Variants in PRUNE2 observed in about 807,000 individuals in gnomAD.
The protein encoded by PRUNE2 is prune homolog 2 with BCH domain.
PRUNE2 carries 164 observed loss-of-function variants against 252.0 expected under a neutral mutation model. The ratio of observed to expected loss-of-function variants is 0.65; its 90% CI spans 0.57 to 0.74. The LOEUF is 0.74. PRUNE2 is among the 30% of genes least tolerant of loss of function. The pLI is 0.00. For missense variants in PRUNE2, 3,495 were observed against 3,711.0 expected (o/e 0.94, Z 1.51); for synonymous variants, 1,292 against 1,350.2 (o/e 0.96, Z 0.94).
At chr9:76,897,301 T>C (rs1337444720) in intron 1 of PRUNE2, among the ~76,000 whole-genome samples, 1 of 150,720 alleles carries the variant, frequency 6.6e-6, no homozygotes, top group Non-Finnish European at 1.5e-5. Flanking sequence ...GCTTATGGTA[T>C]GAGGAAGAAG....
intron 10 of PRUNE2, 70 bp downstream of exon 10, chr9:76,655,353 C>A (rs1221481440): frequency 2.8e-6 from 3 of 1,089,640 alleles, no homozygotes; most frequent in Non-Finnish European, 4.1e-6. Context: ...GGAAATAATT[C>A]TTTCACTGAA....
rs2046429288 is a variant in PRUNE2, at chr9:76,707,985, T to C, written c.4289A>G (p.His1430Arg). Residue 1430 changes from histidine (H) to arginine (R), a missense_variant, in exon 8 of 19, where the codon CAT becomes CGT. His to Arg is a conservative substitution (Grantham distance 29, BLOSUM62 0). Coordinates refer to ENST00000376718, the MANE Select transcript of PRUNE2 (RefSeq NM_015225.3). ...SADNLQPKDTHEKHLMSQRNS... is the reference protein window; with the variant it reads ...SADNLQPKDTREKHLMSQRNS... ...TCTTTGACTCATGAGGTGTTTTTCA[T>C]GGGTATCTTTTGGCTGCAGGTTATC... 1 of 1,614,010 alleles carries C rather than the reference T, an allele frequency of 6.2e-7. No individual in the cohort carries two copies.
intron 18 of PRUNE2, among the ~76,000 whole-genome samples, chr9:76,615,990 G>A (rs1172296629): frequency 1.3e-5 from 2 of 151,910 alleles, no homozygotes; most frequent in Admixed American, 6.6e-5. Context: ...GGATGATCTC[G>A]ATCTCTTGAC....
intron 1 of PRUNE2, among the ~76,000 whole-genome samples, chr9:76,898,774 T>C (rs998060219): frequency 6.6e-6 from 1 of 152,066 alleles, no homozygotes; most frequent in Non-Finnish European, 1.5e-5. Context: ...AAGCAAGAAA[T>C]ATCAAATGCA....
chr9:76,850,055 T>C (rs190225795), intron 3 of PRUNE2, among the ~76,000 whole-genome samples: 1 of 152,106 alleles, frequency 6.6e-6, no homozygotes, highest in African/African-American at 2.4e-5. Flanking sequence ...TGGGGTTTGT[T>C]TGTTGTTTTT....
chr9:76,614,550 T>G lies in PRUNE2; in HGVS notation c.*20A>C, dbSNP rs887258902. The stretch of plus-strand genomic sequence containing the variant: ...AGAACCATGAACCAGAAAAGCATCC[T>G]CTTCTTCCAGCATGGCCAACTAAGG... On this transcript the variant is annotated 3_prime_UTR_variant, in exon 19 of 19. Transcript: ENST00000376718. 8 of 1,605,426 alleles carry G rather than the reference T, an allele frequency of 5.0e-6. No individual in the cohort carries two copies. The highest frequency in any genetic ancestry group is 1.1e-5 in the South Asian group (1 of 90,834).
At position 76,611,735 on chromosome 9, in the gene PRUNE2, A is replaced by G. The variant is rs1827506726; in HGVS notation, c.*2835T>C. The G allele has an allele frequency of 6.6e-6, 1 of 152,620 alleles. No homozygotes were observed. Among genetic ancestry groups the G allele is most frequent in the Non-Finnish European group, 1.5e-5 (1 of 68,034 alleles). 9.5% of individuals were successfully genotyped at this position (152,620 alleles called of 1,614,324 possible). A position where few individuals can be genotyped will look rare whatever the true frequency, so the allele number is the denominator to read the frequency against. Reference sequence around the variant, plus strand: ...GTCTTAGAGAGTAACCCCATAGAACATTGTATGGCTTCAACAGAAACTTCA... The same window carrying G: ...GTCTTAGAGAGTAACCCCATAGAACGTTGTATGGCTTCAACAGAAACTTCA... On this transcript the variant is annotated 3_prime_UTR_variant, in exon 19 of 19. Coordinates refer to ENST00000376718, the MANE Select transcript of PRUNE2 (RefSeq NM_015225.3).
intron 15 of PRUNE2, among the ~76,000 whole-genome samples, chr9:76,629,518 A>G (rs925383886): frequency 6.6e-6 from 1 of 151,856 alleles, no homozygotes; most frequent in African/African-American, 2.4e-5. Flanking sequence ...GCCATGTAAA[A>G]AAGTATAACA....
chr9:76,671,998 C>T lies in PRUNE2; in HGVS notation c.8277-16496G>A, dbSNP rs537914670. On this transcript the variant is annotated intron_variant, in intron 9 of 18. Coordinates refer to ENST00000376718, the MANE Select transcript of PRUNE2 (RefSeq NM_015225.3). ...ACTAGGAAGAAACTGCATCAACTAA[C>T]GAGCAAAATAACCAGCTAACATCAT... Among the ~76,000 whole-genome samples the T allele has an allele frequency of 5.0e-4, 76 of 151,024 alleles. No individual in the cohort carries two copies. In the South Asian group the frequency reaches 9.6e-3, roughly 19 times the overall value.
chr9:76,845,243 G>A (rs2132438719), intron 4 of PRUNE2, among the ~76,000 whole-genome samples: 1 of 152,162 alleles, frequency 6.6e-6, no homozygotes, highest in South Asian at 2.1e-4. Flanking sequence ...TTATGATAAT[G>A]AGCTGCTTAC....
chr9:76,682,383 T>C (rs1277278021), intron 9 of PRUNE2, among the ~76,000 whole-genome samples: 1 of 149,500 alleles, frequency 6.7e-6, no homozygotes, highest in Non-Finnish European at 1.5e-5. Flanking sequence ...TTTTTTGAGT[T>C]GGAGTTTCAC....
chr9:76,739,283 C>G (rs2049357780), intron 6 of PRUNE2: 2 of 152,160 alleles, frequency 1.3e-5, no homozygotes, highest in Non-Finnish European at 1.5e-5. Context: ...CCAGCTGTAG[C>G]CCATGCAGCT....
intron 1 of PRUNE2, among the ~76,000 whole-genome samples, chr9:76,896,201 A>C (rs7044123): frequency 0.18 from 27,443 of 152,144 alleles, 2,936 homozygotes; most frequent in African/African-American, 0.29. Context: ...CTGAGAAAAC[A>C]AGGTTGGTGA....
At chr9:76,646,606 C>T (rs7852547) in intron 11 of PRUNE2, among the ~76,000 whole-genome samples, 11 of 151,838 alleles carry the variant, frequency 7.2e-5, no homozygotes, top group Admixed American at 2.0e-4. Flanking sequence ...CTGCTTCTTC[C>T]TTCCTACATG....
At chr9:76,732,821 G>T (rs73650990) in intron 6 of PRUNE2, among the ~76,000 whole-genome samples, 7,995 of 152,192 alleles carry the variant, frequency 0.053, 660 homozygotes, top group African/African-American at 0.18. Flanking sequence ...ATGATTAGAA[G>T]ATTTCATGTC....
intron 6 of PRUNE2, among the ~76,000 whole-genome samples, chr9:76,755,274 G>A (rs2051032219): frequency 6.6e-6 from 1 of 152,092 alleles, no homozygotes; most frequent in Non-Finnish European, 1.5e-5. Context: ...GATACCTAAA[G>A]CACTGGCTCA....
chr9:76,760,268 C>T (rs2051573921), intron 6 of PRUNE2, among the ~76,000 whole-genome samples: 1 of 152,138 alleles, frequency 6.6e-6, no homozygotes, highest in African/African-American at 2.4e-5. Flanking sequence ...CAAAACCATA[C>T]TCACATTTTC....
intron 9 of PRUNE2, among the ~76,000 whole-genome samples, chr9:76,702,619 G>GAATGAATTAATT (rs1554707080): frequency 1.3e-5 from 2 of 152,134 alleles, no homozygotes; most frequent in African/African-American, 4.8e-5. Context: ...GTGAATGAAT[G>GAATGAATTAATT]AATGAATGAA....
In PRUNE2 at chr9:76,611,643, C is replaced by G. The variant is rs1473355523; in HGVS notation, c.*2927G>C. Reference sequence around the variant, plus strand: ...GAGAGTTGCAAACATAGTACCATAACTGAATATTTAAAATTACATCTTAAC... The same window carrying G: ...GAGAGTTGCAAACATAGTACCATAAGTGAATATTTAAAATTACATCTTAAC... On this transcript the variant is annotated 3_prime_UTR_variant, in exon 19 of 19. Coordinates refer to ENST00000376718, the MANE Select transcript of PRUNE2 (RefSeq NM_015225.3). The G allele has an allele frequency of 6.6e-6, 1 of 152,602 alleles. No individual in the cohort carries two copies. Among genetic ancestry groups the G allele is most frequent in the Non-Finnish European group, 1.5e-5 (1 of 68,040 alleles). 9.5% of individuals were successfully genotyped at this position (152,602 alleles called of 1,614,324 possible). A position where few individuals can be genotyped will look rare whatever the true frequency, so the allele number is the denominator to read the frequency against.
Sources: allele counts gnomAD v4.1 joint callset (sites outside exome capture counted in the v4.1 genomes callset), GRCh38; gene constraint gnomAD v4.1.1; transcripts MANE v1.5; gene names NCBI Gene and HGNC (gene_info 2026-07-23, HGNC 2026-07-21).